CHP1: variants seen among roughly 807,000 people sequenced by gnomAD.
CHP1 encodes the protein calcineurin like EF-hand protein 1, also known as calcineurin B homologous protein 1.
CHP1 carries 11 observed loss-of-function variants against 27.4 expected under a neutral mutation model. The ratio of observed to expected loss-of-function variants is 0.40; its 90% CI spans 0.25 to 0.67. CHP1 has a LOEUF of 0.67. CHP1 is among the 30% of genes least tolerant of loss of function. The pLI is 0.38. For missense variants in CHP1, 169 were observed against 251.3 expected (o/e 0.67, Z 2.22); for synonymous variants, 89 against 87.4 (o/e 1.02, Z -0.10).
intron 2 of CHP1, among the ~76,000 whole-genome samples, chr15:41,254,717 G>T (rs2047389621): frequency 6.6e-6 from 1 of 152,214 alleles, no homozygotes; most frequent in African/African-American, 2.4e-5. Context: ...CAAATGTGGT[G>T]GAGAAGAGCT....
At chr15:41,257,281 A>C (rs1321273825) in intron 3 of CHP1, among the ~76,000 whole-genome samples, 2 of 152,164 alleles carry the variant, frequency 1.3e-5, no homozygotes, top group African/African-American at 4.8e-5. Flanking sequence ...ATTTACAAAA[A>C]AGTTGCAAAA....
At chr15:41,269,819 A>G (rs984454162) in intron 4 of CHP1, among the ~76,000 whole-genome samples, 1 of 152,126 alleles carries the variant, frequency 6.6e-6, no homozygotes, top group African/African-American at 2.4e-5. Flanking sequence ...GTTGTGGGAC[A>G]AGACATTCAC....
intron 1 of CHP1, among the ~76,000 whole-genome samples, chr15:41,235,594 T>G (rs932120956): frequency 6.6e-6 from 1 of 152,188 alleles, no homozygotes; most frequent in African/African-American, 2.4e-5. Context: ...TAGTAATGAA[T>G]GCAGATTATT....
Position 41,231,425 on chromosome 15 carries a change from G to T in CHP1, c.43G>T (p.Glu15Ter). Residue 15 changes from glutamate (E) to a stop codon, truncating the protein, a stop_gained, in exon 1 of 7, where the codon GAG becomes TAG. Transcript: ENST00000334660. LOFTEE classifies it high-confidence loss of function. ...ASTLLRDEEL[E>*]EIKKETGFSH... ...CACGTTACTGCGGGACGAAGAGCTC[G>T]AGGAGATCAAGAAGGAGACCGGCTG... 1 of 1,604,774 alleles carries T rather than the reference G, an allele frequency of 6.2e-7. No individual in the cohort carries two copies. The highest frequency in any genetic ancestry group is 8.5e-7 in the Non-Finnish European group (1 of 1,176,726).
At chr15:41,278,647 C>A in intron 5 of CHP1, 120 bp from the exon 6 acceptor site, 2 of 1,181,508 alleles carry the variant, frequency 1.7e-6, no homozygotes, top group Non-Finnish European at 2.4e-6. Flanking sequence ...TTATGCAGTG[C>A]ATGACTGTAT....
chr15:41,258,028 C>G (rs556154706), intron 3 of CHP1, among the ~76,000 whole-genome samples: 89 of 152,322 alleles, frequency 5.8e-4, no homozygotes, highest in African/African-American at 2.0e-3. Context: ...CCCTCTCTTG[C>G]AGACACTTTT....
chr15:41,273,085 T>C (rs1000184479), intron 5 of CHP1, among the ~76,000 whole-genome samples: 9 of 151,808 alleles, frequency 5.9e-5, no homozygotes, highest in Non-Finnish European at 1.5e-5. Context: ...AAGAAAATTA[T>C]AGCCCAATCT....
intron 1 of CHP1, among the ~76,000 whole-genome samples, chr15:41,236,521 C>A (rs1450521763): frequency 1.3e-5 from 2 of 152,044 alleles, no homozygotes; most frequent in Non-Finnish European, 2.9e-5. Flanking sequence ...CCCAGTCCCC[C>A]AAAGTGCTGC....
intron 1 of CHP1, among the ~76,000 whole-genome samples, chr15:41,234,818 C>T (rs1210809073): frequency 6.6e-6 from 1 of 152,102 alleles, no homozygotes; most frequent in African/African-American, 2.4e-5. Context: ...TAACAATCGT[C>T]TTATTGGGAA....
chr15:41,259,032 T>G (rs1362606559), intron 3 of CHP1, among the ~76,000 whole-genome samples: 1 of 152,214 alleles, frequency 6.6e-6, no homozygotes, highest in East Asian at 1.9e-4. Context: ...AGGAATCTTA[T>G]GCCCTCTTTC....
At chr15:41,275,902 A>T (rs1413083580) in intron 5 of CHP1, among the ~76,000 whole-genome samples, 1 of 151,974 alleles carries the variant, frequency 6.6e-6, no homozygotes, top group South Asian at 2.1e-4. Flanking sequence ...TTTAGTAGAG[A>T]TGGGGTTTCT....
intron 1 of CHP1, among the ~76,000 whole-genome samples, chr15:41,240,753 CA>C (rs750044405): frequency 0.021 from 1,115 of 54,168 alleles, 5 homozygotes; most frequent in African/African-American, 0.044. Context: ...AACTCTATCT[CA>C]AAAAAAAAAA....
chr15:41,248,499 C>G (rs1263685667), intron 2 of CHP1, among the ~76,000 whole-genome samples: 1 of 152,140 alleles, frequency 6.6e-6, no homozygotes, highest in East Asian at 1.9e-4. Flanking sequence ...CTCCTGGGCT[C>G]CATCAGTCCT....
intron 4 of CHP1, among the ~76,000 whole-genome samples, chr15:41,265,595 C>G (rs1567010182): frequency 6.6e-6 from 1 of 151,228 alleles, no homozygotes; most frequent in Non-Finnish European, 1.5e-5. Flanking sequence ...CCTGTAATCT[C>G]AGGTACTCGG....
chr15:41,255,741 G>A (rs7163447), intron 2 of CHP1, among the ~76,000 whole-genome samples: 4,630 of 149,894 alleles, frequency 0.031, 256 homozygotes, highest in African/African-American at 0.11. Context: ...GCTGGGCACC[G>A]TGGCTCACTC....
At chr15:41,278,105 G>T (rs1396156285) in intron 5 of CHP1, among the ~76,000 whole-genome samples, 2 of 152,000 alleles carry the variant, frequency 1.3e-5, no homozygotes, top group Admixed American at 1.3e-4. Flanking sequence ...GAGGTGAGCG[G>T]ATCACGAGGT....
chr15:41,262,809 C>A lies in CHP1; in HGVS notation c.275C>A (p.Pro92His), dbSNP rs1220347576. Residue 92 changes from proline to histidine, a missense_variant, in exon 4 of 7, where the codon CCC becomes CAC. Physicochemically the swap from Pro to His is moderately conservative, Grantham distance 77. Transcript: ENST00000334660. ...GFMRTLAHFRPIEDNEKSKDV... is the reference protein window; with the variant it reads ...GFMRTLAHFRHIEDNEKSKDV... ...ATGCGAACTTTGGCTCATTTCCGCC[C>A]CATTGAGGATAATGAAAAGAGCAAA... 5 of 1,613,632 alleles carry A rather than the reference C, an allele frequency of 3.1e-6. No homozygotes were observed. In the African/African-American group the frequency reaches 6.7e-5, roughly 22 times the overall value.
intron 1 of CHP1, among the ~76,000 whole-genome samples, chr15:41,242,924 C>T (rs916371040): frequency 5.3e-5 from 8 of 151,244 alleles, no homozygotes; most frequent in Admixed American, 1.3e-4. Flanking sequence ...GCCTGGGCAA[C>T]GAGAGTGAAA....
chr15:41,269,652 A>G (rs1053334159), intron 4 of CHP1, among the ~76,000 whole-genome samples: 1 of 152,154 alleles, frequency 6.6e-6, no homozygotes, highest in Non-Finnish European at 1.5e-5. Context: ...CCTCTACTAG[A>G]TAGTGAGTTC....
Sources: allele counts gnomAD v4.1 joint callset (sites outside exome capture counted in the v4.1 genomes callset), GRCh38; gene constraint gnomAD v4.1.1; transcripts MANE v1.5; gene names NCBI Gene and HGNC (gene_info 2026-07-23, HGNC 2026-07-21).